The following MINAR1 variants were observed in gnomAD, a reference collection of about 807,000 sequenced individuals.
MINAR1 encodes the protein membrane integral NOTCH2 associated receptor 1.
MINAR1 carries 40 observed loss-of-function variants against 65.1 expected under a neutral mutation model. The ratio of observed to expected loss-of-function variants is 0.61; its 90% confidence interval spans 0.48 to 0.80. MINAR1 has a LOEUF of 0.80. Among genes scored for constraint, MINAR1 ranks in the 30% least tolerant of loss-of-function variants. The pLI is 0.00. For missense variants in MINAR1, 1,128 were observed against 1,148.0 expected (o/e 0.98, Z 0.25); for synonymous variants, 482 against 449.1 (o/e 1.07, Z -0.93).
intron 2 of MINAR1, among the ~76,000 whole-genome samples, chr15:79,458,687 G>A (rs1302735680): frequency 6.6e-6 from 1 of 152,214 alleles, no homozygotes; most frequent in East Asian, 1.9e-4. Context: ...ACAGCAGAAC[G>A]TAGGGTTGGG....
chr15:79,468,236 T>G lies in MINAR1; in HGVS notation c.2603T>G (p.Ile868Ser), dbSNP rs1259152818. 1.9e-6 allele frequency: 3 copies of G among 1,614,110 alleles called. No homozygotes were observed. The highest frequency in any genetic ancestry group is 2.5e-6 in the Non-Finnish European group (3 of 1,179,980). The part of the protein sequence containing the change: ...PNNLEYWMED[I>S]YTPGYDSLLK... ...AATTTAGAGTACTGGATGGAAGACA[T>G]TTATACTCCAGGATACGATTCATTA... is the stretch of plus-strand genomic sequence containing the variant. The change falls in exon 4 of 4, where the codon ATT (isoleucine) becomes AGT (serine). Residue 868 changes from isoleucine to serine, a missense_variant. Transcript: ENST00000305428.
At chr15:79,433,075 A>C (rs1894497843) in intron 1 of MINAR1, among the ~76,000 whole-genome samples, 3 of 152,218 alleles carry the variant, frequency 2.0e-5, no homozygotes, top group Non-Finnish European at 4.4e-5. Context: ...AAGGATGCTC[A>C]ACTTCACCTG....
intron 2 of MINAR1, among the ~76,000 whole-genome samples, chr15:79,460,928 T>C (rs539760122): frequency 6.6e-6 from 1 of 152,290 alleles, no homozygotes; most frequent in South Asian, 2.1e-4. Flanking sequence ...CAGGCCCTAT[T>C]TCACTGTCAA....
intron 1 of MINAR1, among the ~76,000 whole-genome samples, chr15:79,453,591 C>T (rs1401060081): frequency 6.6e-6 from 1 of 152,168 alleles, no homozygotes; most frequent in East Asian, 1.9e-4. Flanking sequence ...TCTTGCTCTT[C>T]TTCCTCTCTG....
chr15:79,432,997 A>G lies in MINAR1; in HGVS notation c.-51+457A>G, dbSNP rs191454904. On this transcript the variant is annotated intron_variant, in intron 1 of 3. Coordinates refer to ENST00000305428, the MANE Select transcript of MINAR1 (RefSeq NM_015206.3). ...CCAGGTGGACCGACCGGTGCATCCA[A>G]TTCTTAAATTGAGATTTCCAGTCAC... 5.9e-5 allele frequency among the ~76,000 whole-genome samples: 9 copies of G among 152,344 alleles called. No homozygotes were observed. In the East Asian group the frequency reaches 1.5e-3, roughly 26 times the overall value.
chr15:79,420,980 G>T, the MINAR1 span: 1 of 152,204 alleles, frequency 6.6e-6, no homozygotes, highest in Non-Finnish European at 1.5e-5. Context: ...GACTTCTGTT[G>T]TATTCTCATC....
chr15:79,447,226 A>G (rs1895050342), intron 1 of MINAR1, among the ~76,000 whole-genome samples: 1 of 152,148 alleles, frequency 6.6e-6, no homozygotes, highest in Non-Finnish European at 1.5e-5. Context: ...TTTGTGCTGC[A>G]TTCAGCTAAA....
chr15:79,411,452 A>C, the MINAR1 span: 3 of 702,462 alleles, frequency 4.3e-6, no homozygotes, highest in African/African-American at 3.5e-5. Context: ...GACTATATGC[A>C]GCCAGGCGGA....
chr15:79,464,562 T>C (rs1047528851), intron 3 of MINAR1, among the ~76,000 whole-genome samples: 2 of 152,250 alleles, frequency 1.3e-5, no homozygotes, highest in African/African-American at 2.4e-5. Flanking sequence ...CTTTCTCTTC[T>C]GCAATTTTCT....
At chr15:79,432,585 A>AGTGTGTGTGTGTGTGTGTGTGT (rs3036997) in intron 1 of MINAR1, 45 bp downstream of exon 1, 5 of 150,648 alleles carry the variant, frequency 3.3e-5, no homozygotes, top group African/African-American at 4.9e-5. Flanking sequence ...GGAGCGCACG[A>AGTGTGTGTGTGTGTGTGTGTGT]GTGTGTGTGT....
In MINAR1 at chr15:79,457,609, A is replaced by G. The variant is rs1169933575; in HGVS notation, c.1462A>G (p.Arg488Gly). The change falls in exon 2 of 4, where the codon AGA becomes GGA. Residue 488 changes from arginine (R) to glycine (G), a missense_variant. Arg to Gly is a moderately radical substitution (Grantham distance 125, BLOSUM62 -2). Transcript: ENST00000305428. ...TEHVLEPKKC[R>G]DLCTSGQGKY... ...GCACGTGCTGGAGCCCAAGAAATGC[A>G]GAGACCTGTGCACCTCTGGTCAGGG... 6 of 1,614,238 alleles carry G rather than the reference A, an allele frequency of 3.7e-6. No homozygotes were observed. Among genetic ancestry groups the G allele is most frequent in the East Asian group, 2.2e-5 (1 of 44,876 alleles).
chr15:79,457,372 G>T lies in MINAR1; in HGVS notation c.1225G>T (p.Glu409Ter). Residue 409 changes from glutamate to a stop codon, truncating the protein, a stop_gained, in exon 2 of 4, where the codon GAA becomes TAA. Transcript: ENST00000305428. LOFTEE classifies it high-confidence loss of function. Reference sequence around the variant, plus strand: ...CCAGACCCCCAATTTCCCAGCCCCAGAAAGGCGCCCAACTTACCTTGTGCC... The same window carrying T: ...CCAGACCCCCAATTTCCCAGCCCCATAAAGGCGCCCAACTTACCTTGTGCC... ...SSQTPNFPAP[E>*]RRPTYLVPKD... 6.2e-7 allele frequency: 1 copy of T among 1,614,110 alleles called. No individual in the cohort carries two copies. The highest frequency in any genetic ancestry group is 8.5e-7 in the Non-Finnish European group (1 of 1,180,012).
chr15:79,411,856 C>T, the MINAR1 span: 4 of 219,308 alleles, frequency 1.8e-5, no homozygotes, highest in South Asian at 2.7e-4. Flanking sequence ...CCTCTAGGCT[C>T]GACTTGCTCC....
intron 1 of MINAR1, among the ~76,000 whole-genome samples, chr15:79,437,701 GGGGTGT>G (rs1401182101): frequency 1.2e-4 from 9 of 78,162 alleles, no homozygotes; most frequent in African/African-American, 2.1e-4. Flanking sequence ...GTGAGTGTGT[GGGGTGT>G]GGGTGTGGGT....
At chr15:79,417,951 T>C in the MINAR1 span, 9 of 152,258 alleles carry the variant, frequency 5.9e-5, no homozygotes, top group South Asian at 1.4e-3. Flanking sequence ...GCACTTTCCA[T>C]GAAGCCACGA....
the MINAR1 span, chr15:79,411,743 G>A: frequency 6.4e-6 from 3 of 465,474 alleles, no homozygotes; most frequent in Non-Finnish European, 1.2e-5. Context: ...CTGGCAGGGA[G>A]AGTTGCTTGG....
At chr15:79,462,323 C>T (rs1200675607) in intron 2 of MINAR1, among the ~76,000 whole-genome samples, 5 of 152,140 alleles carry the variant, frequency 3.3e-5, no homozygotes, top group African/African-American at 1.2e-4. Context: ...ACATAATGAG[C>T]ACTAACCCAG....
At chr15:79,454,064 C>A (rs1351625246) in intron 1 of MINAR1, among the ~76,000 whole-genome samples, 3 of 152,178 alleles carry the variant, frequency 2.0e-5, no homozygotes, top group Non-Finnish European at 4.4e-5. Context: ...TTACTTGAGA[C>A]CCCTTGTGAC....
the MINAR1 span, chr15:79,415,791 G>A: frequency 6.6e-6 from 1 of 152,210 alleles, no homozygotes; most frequent in Non-Finnish European, 1.5e-5. Flanking sequence ...CAAGAAGCAT[G>A]AAACAGAAAT....
Sources: gnomAD v4.1 joint callset for allele counts (sites outside exome capture counted in the v4.1 genomes callset) on GRCh38, gnomAD v4.1.1 for gene constraint, MANE v1.5 for transcripts, NCBI Gene and HGNC (gene_info 2026-07-23, HGNC 2026-07-21) for gene names.